Variants in NT5C2 observed in about 807,000 individuals in gnomAD.
NT5C2 encodes the protein 5'-nucleotidase, cytosolic II.
NT5C2 carries 58 observed loss-of-function variants against 76.1 expected under a neutral mutation model. The ratio of observed to expected loss-of-function variants is 0.76; its 90% CI spans 0.62 to 0.95. The LOEUF is 0.95. Among genes scored for constraint, NT5C2 ranks in the 40% least tolerant of loss-of-function variants. The pLI is 0.00. For synonymous variants in NT5C2, 229 were observed against 237.4 expected, an observed-to-expected ratio of 0.96 and a Z score of 0.32; for missense variants, 478 against 690.3, an observed-to-expected ratio of 0.69 and a Z score of 3.45.
intron 4 of NT5C2, among the ~76,000 whole-genome samples, chr10:103,129,135 C>T (rs1435472321): frequency 1.6e-5 from 2 of 124,326 alleles, no homozygotes; most frequent in East Asian, 2.9e-4. Flanking sequence ...GGGGGTCAGC[C>T]CCCCGCCCGG....
intron 4 of NT5C2, among the ~76,000 whole-genome samples, chr10:103,107,872 C>T (rs1054877255): frequency 1.3e-5 from 2 of 151,214 alleles, no homozygotes; most frequent in East Asian, 2.0e-4. Context: ...GAAAATGTTG[C>T]GGCCAGGTGC....
chr10:103,169,953 A>T (rs2087462932), intron 3 of NT5C2, among the ~76,000 whole-genome samples: 1 of 152,016 alleles, frequency 6.6e-6, no homozygotes, highest in Admixed American at 6.6e-5. Flanking sequence ...GGTGAAACCC[A>T]GTCTCTAAAA....
chr10:103,096,667 A>T (rs1026920763), intron 11 of NT5C2, among the ~76,000 whole-genome samples: 3 of 151,786 alleles, frequency 2.0e-5, no homozygotes, highest in African/African-American at 4.8e-5. Context: ...AAGATGTTAA[A>T]ACCTCGTCTC....
At chr10:103,100,116 C>T in intron 8 of NT5C2, 97 bp from the exon 9 acceptor site, 1 of 742,424 alleles carries the variant, frequency 1.3e-6, no homozygotes, top group Non-Finnish European at 2.3e-6. Context: ...TTCCATATCA[C>T]ATGGGTAAAG....
At chr10:103,133,575 T>C (rs1243881266) in intron 4 of NT5C2, among the ~76,000 whole-genome samples, 1 of 152,188 alleles carries the variant, frequency 6.6e-6, no homozygotes, top group Non-Finnish European at 1.5e-5. Context: ...CCTCTTTCTT[T>C]TGTAAACTGC....
intron 3 of NT5C2, among the ~76,000 whole-genome samples, chr10:103,147,335 A>C (rs539848528): frequency 5.3e-5 from 8 of 152,360 alleles, no homozygotes; most frequent in South Asian, 2.1e-4. Flanking sequence ...GTAGTAATCA[A>C]AGTGAGCTAC....
chr10:103,159,022 G>A (rs1213428225), intron 3 of NT5C2, among the ~76,000 whole-genome samples: 1 of 152,086 alleles, frequency 6.6e-6, no homozygotes, highest in African/African-American at 2.4e-5. Flanking sequence ...AAAAGAAATA[G>A]AAAATCTAAA....
chr10:103,097,481 T>C, intron 10 of NT5C2, 107 bp from the exon 11 acceptor site: 1 of 880,350 alleles, frequency 1.1e-6, no homozygotes, highest in South Asian at 1.5e-5. Context: ...GGGGAACCTT[T>C]TAAGGGTTAG....
intron 4 of NT5C2, among the ~76,000 whole-genome samples, chr10:103,116,811 G>A (rs1206762545): frequency 6.6e-6 from 1 of 151,326 alleles, no homozygotes; most frequent in East Asian, 1.9e-4. Flanking sequence ...CTGGCCTTAA[G>A]TGATCCTCTC....
intron 3 of NT5C2, among the ~76,000 whole-genome samples, chr10:103,172,247 ATTTTTT>A (rs34644789): frequency 7.1e-6 from 1 of 141,114 alleles, no homozygotes; most frequent in African/African-American, 2.6e-5. Flanking sequence ...TTAACTTTAA[ATTTTTT>A]TTTTTTTTTT....
chr10:103,140,320 A>G (rs541926702), intron 3 of NT5C2: 1 of 152,086 alleles, frequency 6.6e-6, no homozygotes, highest in Non-Finnish European at 1.5e-5. Flanking sequence ...TGTCTGGCTT[A>G]TTTCACTTAG....
intron 4 of NT5C2, among the ~76,000 whole-genome samples, chr10:103,129,304 G>T (rs1281636302): frequency 6.7e-5 from 8 of 119,878 alleles, no homozygotes; most frequent in South Asian, 3.0e-4. Flanking sequence ...GAGGTGGGGG[G>T]GTCAGCCCCC....
chr10:103,094,622 A>G (rs973566854), intron 12 of NT5C2, 167 bp from the exon 13 acceptor site: 42 of 577,918 alleles, frequency 7.3e-5, no homozygotes, highest in East Asian at 1.2e-4. Flanking sequence ...AGTGGCTCAC[A>G]CCTGTAATCC....
At position 103,106,609 on chromosome 10, in the gene NT5C2, A is replaced by G. The variant is rs749064121; in HGVS notation, c.273T>C (p.Tyr91=). Reference sequence around the variant, plus strand: ...ATTACCTGGTAGGGAATGTAGAATCATAAGCAAAGCTGAGCAACTCCTGGG... The same window carrying G: ...ATTACCTGGTAGGGAATGTAGAATCGTAAGCAAAGCTGAGCAACTCCTGGG... ...GYPQELLSFA[Y]DSTFPTRGLV... is the part of the protein sequence containing the mutation. The change falls in exon 5 of 19, where the codon TAT becomes TAC. Residue 91 remains tyrosine, a synonymous_variant. Transcript: ENST00000404739. 2 of 1,611,640 alleles carry G rather than the reference A, an allele frequency of 1.2e-6. No homozygotes were observed. Among genetic ancestry groups the G allele is most frequent in the Non-Finnish European group, 1.7e-6 (2 of 1,177,768 alleles).
intron 6 of NT5C2, among the ~76,000 whole-genome samples, chr10:103,101,752 T>G (rs1488882586): frequency 2.0e-5 from 3 of 152,038 alleles, no homozygotes; most frequent in Non-Finnish European, 4.4e-5. Flanking sequence ...GTGCAAACAT[T>G]TATGAGAAAA....
At chr10:103,183,224 A>G (rs1412707824) in intron 1 of NT5C2, among the ~76,000 whole-genome samples, 3 of 142,842 alleles carry the variant, frequency 2.1e-5, no homozygotes, top group East Asian at 2.1e-4. Context: ...TATCATCACA[A>G]AACACATGAA....
intron 6 of NT5C2, among the ~76,000 whole-genome samples, chr10:103,101,853 G>GT (rs2069785553): frequency 6.6e-6 from 1 of 152,138 alleles, no homozygotes; most frequent in Non-Finnish European, 1.5e-5. Context: ...ATTCATGCAC[G>GT]TGCTGGTATA....
In NT5C2 at chr10:103,132,686, G is replaced by A. The variant is rs185227590; in HGVS notation, c.175+6720C>T. Reference sequence around the variant, plus strand: ...TCAGCCTCCTGAGTAGCTGGGACTCGGTACAGGCGCCCGCCACCACGCCCG... The same window carrying A: ...TCAGCCTCCTGAGTAGCTGGGACTCAGTACAGGCGCCCGCCACCACGCCCG... On this transcript the variant is annotated intron_variant, in intron 4 of 18. Coordinates refer to ENST00000404739, the MANE Select transcript of NT5C2 (RefSeq NM_001351169.2). 4.6e-5 allele frequency among the ~76,000 whole-genome samples: 7 copies of A among 151,874 alleles called. No individual in the cohort carries two copies. The East Asian group carries it at 1.4e-3, about 29-fold the overall frequency.
At chr10:103,179,425 G>C (rs10786741) in intron 2 of NT5C2, among the ~76,000 whole-genome samples, 1 of 151,870 alleles carries the variant, frequency 6.6e-6, no homozygotes, top group South Asian at 2.1e-4. Context: ...TTTGTTCAGA[G>C]ACCTGAGTAA....
Sources: gnomAD v4.1 joint callset for allele counts (sites outside exome capture counted in the v4.1 genomes callset) on GRCh38, gnomAD v4.1.1 for gene constraint, MANE v1.5 for transcripts, NCBI Gene and HGNC (gene_info 2026-07-23, HGNC 2026-07-21) for gene names.